The following BORCS5 variants were observed in gnomAD, a reference collection of about 807,000 sequenced individuals.
The protein encoded by BORCS5 is BLOC-1-related complex subunit 5.
BORCS5 carries 17 observed loss-of-function variants against 22.1 expected under a neutral mutation model. The observed-to-expected ratio is 0.77, with a 90% CI of 0.53 to 1.15. The LOEUF (loss-of-function observed/expected upper bound fraction) is 1.15, where lower values mean the gene tolerates loss of function less well. BORCS5 is among the 50% of genes most tolerant of loss of function. The pLI, the probability that BORCS5 is intolerant of heterozygous loss-of-function variation, is 0.00. For synonymous variants in BORCS5, 117 were observed against 99.8 expected (o/e 1.17, Z -1.03); for missense variants, 247 against 253.2 (o/e 0.98, Z 0.17).
chr12:12,450,237 C>T (rs1007815579), intron 3 of BORCS5, among the ~76,000 whole-genome samples: 2 of 152,176 alleles, frequency 1.3e-5, no homozygotes, highest in Non-Finnish European at 2.9e-5. Flanking sequence ...AGTGCTTGCC[C>T]ACTCTGGGAG....
chr12:12,454,524 A>G (rs1169600892), intron 3 of BORCS5, among the ~76,000 whole-genome samples: 1 of 152,248 alleles, frequency 6.6e-6, no homozygotes, highest in Non-Finnish European at 1.5e-5. Context: ...ATTTTGCCCT[A>G]GGGACAGTAC....
Position 12,467,501 on chromosome 12 carries a change from A to G in BORCS5, c.*1725A>G, listed in dbSNP as rs1419995527. 2 of 152,304 alleles carry G rather than the reference A, an allele frequency of 1.3e-5. No homozygotes were observed. The highest frequency in any genetic ancestry group is 2.9e-5 in the Non-Finnish European group (2 of 68,088). 9.4% of individuals were successfully genotyped at this position (152,304 alleles called of 1,614,324 possible). On this transcript the variant is annotated 3_prime_UTR_variant, in exon 4 of 4. Coordinates refer to ENST00000314565, the MANE Select transcript of BORCS5 (RefSeq NM_058169.6). ...GCCAGCTCTCCAGCCAACTGTGTCTACTTCTAAAGTAGAAGTTAGACAAAA... is the reference window on the plus strand; with the variant it reads ...GCCAGCTCTCCAGCCAACTGTGTCTGCTTCTAAAGTAGAAGTTAGACAAAA...
At chr12:12,428,297 C>T (rs1417203031) in intron 2 of BORCS5, among the ~76,000 whole-genome samples, 1 of 152,198 alleles carries the variant, frequency 6.6e-6, no homozygotes, top group Non-Finnish European at 1.5e-5. Context: ...ATATTTCCCA[C>T]ACTTCTAACC....
chr12:12,441,757 AC>A (rs1728395728), intron 3 of BORCS5, among the ~76,000 whole-genome samples: 1 of 151,664 alleles, frequency 6.6e-6, no homozygotes, highest in African/African-American at 2.4e-5. Flanking sequence ...TTTCCTTCAA[AC>A]CCTGCAGGAT....
At chr12:12,453,608 A>G (rs924859153) in intron 3 of BORCS5, among the ~76,000 whole-genome samples, 1 of 152,132 alleles carries the variant, frequency 6.6e-6, no homozygotes, top group African/African-American at 2.4e-5. Flanking sequence ...ACCATGATGC[A>G]TTACTGGTAT....
intron 2 of BORCS5, among the ~76,000 whole-genome samples, chr12:12,391,866 TAAAA>T (rs751674760): frequency 3.1e-5 from 2 of 64,340 alleles, no homozygotes; most frequent in Non-Finnish European, 5.5e-5. Flanking sequence ...ACCCCGTCAC[TAAAA>T]AAAAAAAAAA....
chr12:12,401,511 T>G (rs1941474491), intron 2 of BORCS5, among the ~76,000 whole-genome samples: 1 of 152,180 alleles, frequency 6.6e-6, no homozygotes, highest in South Asian at 2.1e-4. Flanking sequence ...ATATTTATTT[T>G]TTTAATAATT....
chr12:12,443,501 G>A (rs147300207), intron 3 of BORCS5, among the ~76,000 whole-genome samples: 23 of 152,310 alleles, frequency 1.5e-4, no homozygotes, highest in Non-Finnish European at 2.6e-4. Context: ...GGAGTGGGCT[G>A]CTTCTGGTTC....
At chr12:12,455,545 CGAG>C (rs1942982975) in intron 3 of BORCS5, among the ~76,000 whole-genome samples, 1 of 152,058 alleles carries the variant, frequency 6.6e-6, no homozygotes, top group Non-Finnish European at 1.5e-5. Context: ...TTTGGAAGGA[CGAG>C]GAGGGCAGAT....
At position 12,471,126 on chromosome 12, in the gene BORCS5, A is replaced by C. The variant is rs1340674842; in HGVS notation, c.*5350A>C. 1.3e-5 allele frequency among the ~76,000 whole-genome samples: 2 copies of C among 152,128 alleles called. No homozygotes were observed. Among genetic ancestry groups the C allele is most frequent in the African/African-American group, 4.8e-5 (2 of 41,422 alleles). ...GCATTTCCTGTGGGACAGCATTTTC[A>C]AACGGATTCTAGTGTTTGAGCTGGA... On this transcript the variant is annotated 3_prime_UTR_variant, in exon 4 of 4. Transcript: ENST00000314565.
intron 2 of BORCS5, among the ~76,000 whole-genome samples, chr12:12,394,839 G>A (rs1941292578): frequency 6.6e-6 from 1 of 152,020 alleles, no homozygotes; most frequent in African/African-American, 2.4e-5. Flanking sequence ...CTTCATACAG[G>A]ACCTTTGCAA....
rs1229963796 is a variant in BORCS5, at chr12:12,357,178, G to C, written c.-274G>C. On this transcript the variant is annotated 5_prime_UTR_variant, in exon 1 of 4. Transcript: ENST00000314565. ...TGCGGCAAAGCCAGTGTCATCTGCCGGTTCTCTTAGGGCTCCCGGAAAGAA... is the reference window on the plus strand; with the variant it reads ...TGCGGCAAAGCCAGTGTCATCTGCCCGTTCTCTTAGGGCTCCCGGAAAGAA... The C allele has an allele frequency of 1.3e-6, 2 of 1,524,776 alleles. No homozygotes were observed. The highest frequency in any genetic ancestry group is 1.8e-6 in the Non-Finnish European group (2 of 1,142,228). 94.5% of individuals were successfully genotyped at this position (1,524,776 alleles called of 1,614,324 possible).
chr12:12,432,333 T>G (rs1942450628), intron 2 of BORCS5, among the ~76,000 whole-genome samples: 1 of 152,232 alleles, frequency 6.6e-6, no homozygotes, highest in African/African-American at 2.4e-5. Context: ...TTTTGGTATC[T>G]TCTCCCAAGT....
intron 2 of BORCS5, among the ~76,000 whole-genome samples, chr12:12,402,396 C>A (rs79572128): frequency 6.6e-6 from 1 of 152,166 alleles, no homozygotes; most frequent in East Asian, 1.9e-4. Context: ...AAATTTGTCT[C>A]TTACCTGAAT....
chr12:12,406,811 T>C (rs1298368829), intron 2 of BORCS5, among the ~76,000 whole-genome samples: 1 of 151,634 alleles, frequency 6.6e-6, no homozygotes, highest in African/African-American at 2.4e-5. Flanking sequence ...TTTTTTTAAA[T>C]AAAAAGAACA....
At chr12:12,401,719 T>C (rs1941480872) in intron 2 of BORCS5, among the ~76,000 whole-genome samples, 1 of 152,156 alleles carries the variant, frequency 6.6e-6, no homozygotes, top group Non-Finnish European at 1.5e-5. Flanking sequence ...CAATTTTACT[T>C]AAAATTCTAT....
intron 2 of BORCS5, among the ~76,000 whole-genome samples, chr12:12,407,702 C>CTTTTTTTT (rs201404558): frequency 4.2e-5 from 6 of 141,768 alleles, no homozygotes; most frequent in African/African-American, 7.9e-5. Flanking sequence ...TTTTACTATT[C>CTTTTTTTT]TTTTTGTTTT....
intron 3 of BORCS5, among the ~76,000 whole-genome samples, chr12:12,449,846 C>T (rs1010340781): frequency 2.6e-5 from 4 of 152,166 alleles, no homozygotes; most frequent in African/African-American, 7.2e-5. Flanking sequence ...GGAAGGTTTA[C>T]GTAATTCAGA....
chr12:12,406,682 G>C (rs1941602839), intron 2 of BORCS5, among the ~76,000 whole-genome samples: 1 of 151,576 alleles, frequency 6.6e-6, no homozygotes, highest in Non-Finnish European at 1.5e-5. Flanking sequence ...TGTGATTGCT[G>C]TTAACCATAT....
Sources: allele counts gnomAD v4.1 joint callset (sites outside exome capture counted in the v4.1 genomes callset), GRCh38; gene constraint gnomAD v4.1.1; transcripts MANE v1.5; gene names NCBI Gene and HGNC (gene_info 2026-07-23, HGNC 2026-07-21).